LRP1B: variants seen among roughly 807,000 people sequenced by gnomAD.
LRP1B encodes the protein LDL receptor related protein 1B.
In LRP1B, 217 loss-of-function variants were observed where a neutral mutation model predicts 556.6. That is an observed-to-expected ratio of 0.39 (90% CI 0.35 to 0.44). The LOEUF (loss-of-function observed/expected upper bound fraction) is 0.44, where lower values mean the gene tolerates loss of function less well. Among genes scored for constraint, LRP1B ranks in the 20% least tolerant of loss-of-function variants. The pLI is 1.00. For missense variants in LRP1B, 5,053 were observed against 5,620.8 expected (o/e 0.90, Z 3.23); for synonymous variants, 2,047 against 1,865.8 (o/e 1.10, Z -2.50).
chr2:140,371,230 T>C lies in LRP1B; in HGVS notation c.10824A>G (p.Ser3608=), dbSNP rs2105166866. The part of the protein sequence containing the change: ...EYICASDGCI[S]ASLKCNGEYD... Reference sequence around the variant, plus strand: ...ATTCTCCATTACATTTCAAAGATGCTGAAATACATCCATCACTGGCACATA... The same window carrying C: ...ATTCTCCATTACATTTCAAAGATGCCGAAATACATCCATCACTGGCACATA... The change falls in exon 70 of 91, where the codon TCA becomes TCG. Residue 3608 remains serine, a synonymous_variant. Transcript: ENST00000389484. The C allele has an allele frequency of 6.3e-7, 1 of 1,597,908 alleles. No homozygotes were observed. The highest frequency in any genetic ancestry group is 8.5e-7 in the Non-Finnish European group (1 of 1,172,170).
chr2:142,001,969 T>C (rs531719944), intron 1 of LRP1B, among the ~76,000 whole-genome samples: 50 of 152,230 alleles, frequency 3.3e-4, no homozygotes, highest in African/African-American at 1.2e-3. Flanking sequence ...ACAAAACACT[T>C]TGAACACTTA....
intron 2 of LRP1B, among the ~76,000 whole-genome samples, chr2:141,629,599 A>G (rs544678754): frequency 2.6e-5 from 4 of 152,280 alleles, no homozygotes; most frequent in African/African-American, 9.6e-5. Flanking sequence ...TTAAATATCC[A>G]TTCTGAGTGA....
chr2:141,833,548 T>C (rs1396117921), intron 1 of LRP1B, among the ~76,000 whole-genome samples: 1 of 151,868 alleles, frequency 6.6e-6, no homozygotes, highest in Non-Finnish European at 1.5e-5. Flanking sequence ...TTAATAAACA[T>C]TTGTAGAGCT....
intron 5 of LRP1B, among the ~76,000 whole-genome samples, chr2:141,234,872 C>T (rs1309927984): frequency 6.6e-6 from 1 of 151,798 alleles, no homozygotes; most frequent in Non-Finnish European, 1.5e-5. Context: ...TCAACCAAAC[C>T]AAACTGAAAA....
At chr2:140,955,888 A>G (rs997670112) in intron 18 of LRP1B, among the ~76,000 whole-genome samples, 2 of 151,618 alleles carry the variant, frequency 1.3e-5, no homozygotes, top group Non-Finnish European at 3.0e-5. Context: ...TTGCCCCCCA[A>G]AATAATATTT....
chr2:140,536,698 A>C lies in LRP1B; in HGVS notation c.7525T>G (p.Ser2509Ala), dbSNP rs1400196864. The stretch of plus-strand genomic sequence containing the variant: ...TCAAACTCCGAATAAGCGTTGCAGG[A>C]GGAATTTTTAGCTGCAAGAAAAAAA... Reference protein sequence around the residue: ...EDNRCVTKNSSCNAYSEFECG... With the variant: ...EDNRCVTKNSACNAYSEFECG... Residue 2509 changes from serine to alanine, a missense_variant, in exon 46 of 91, where the codon TCC becomes GCC. This residue lies in a region of LRP1B where 3,619 missense variants were observed against 3,931.9 expected (regional missense o/e 0.92). Transcript: ENST00000389484. 3.8e-6 allele frequency: 6 copies of C among 1,589,630 alleles called. No individual in the cohort carries two copies. The highest frequency in any genetic ancestry group is 4.3e-6 in the Non-Finnish European group (5 of 1,171,856).
At chr2:140,981,390 G>T (rs950711866) in intron 18 of LRP1B, among the ~76,000 whole-genome samples, 1 of 151,788 alleles carries the variant, frequency 6.6e-6, no homozygotes, top group Admixed American at 6.6e-5. Flanking sequence ...TAAATTATGG[G>T]TAAAGTTTTC....
intron 1 of LRP1B, among the ~76,000 whole-genome samples, chr2:141,994,441 T>C (rs6735141): frequency 0.22 from 32,978 of 152,082 alleles, 4,213 homozygotes; most frequent in East Asian, 0.32. Flanking sequence ...GCTTAGAGAA[T>C]CAGTGAATCA....
Position 141,734,809 on chromosome 2 carries a change from A to G in LRP1B, c.205+75470T>C, listed in dbSNP as rs540670802. Among the ~76,000 whole-genome samples, 66 of 152,274 alleles carry G rather than the reference A, an allele frequency of 4.3e-4. 1 individual carries two copies. The highest frequency in any genetic ancestry group is 1.6e-3 in the African/African-American group (65 of 41,570). On this transcript the variant is annotated intron_variant, in intron 2 of 90. Coordinates refer to ENST00000389484, the MANE Select transcript of LRP1B (RefSeq NM_018557.3). Reference sequence around the variant, plus strand: ...ATGAAAGCATTTTATAATAACAAAGATAGAGACCAGGGAGTCCTTATGAAT... The same window carrying G: ...ATGAAAGCATTTTATAATAACAAAGGTAGAGACCAGGGAGTCCTTATGAAT...
intron 41 of LRP1B, among the ~76,000 whole-genome samples, chr2:140,679,713 T>C (rs993405650): frequency 5.9e-5 from 9 of 152,040 alleles, no homozygotes; most frequent in African/African-American, 2.2e-4. Context: ...AAGTTAAACA[T>C]TGAAGAACTG....
At chr2:141,085,734 T>C (rs1159610966) in intron 7 of LRP1B, among the ~76,000 whole-genome samples, 4 of 152,218 alleles carry the variant, frequency 2.6e-5, no homozygotes, top group South Asian at 2.1e-4. Flanking sequence ...CCAATAATCT[T>C]AATATGGATA....
At chr2:141,237,353 G>GTT (rs11327977) in intron 5 of LRP1B, among the ~76,000 whole-genome samples, 10 of 93,644 alleles carry the variant, frequency 1.1e-4, no homozygotes, top group South Asian at 3.7e-4. Context: ...GTGTTCTAGT[G>GTT]TTTTTTTTTT....
At chr2:141,887,558 A>G (rs2104906500) in intron 1 of LRP1B, among the ~76,000 whole-genome samples, 2 of 152,300 alleles carry the variant, frequency 1.3e-5, no homozygotes. Context: ...ACACACATGT[A>G]TGAAACAATT....
intron 21 of LRP1B, among the ~76,000 whole-genome samples, chr2:140,917,367 C>A (rs986672937): frequency 1.3e-5 from 2 of 152,102 alleles, no homozygotes; most frequent in Non-Finnish European, 2.9e-5. Flanking sequence ...AATGAATTGA[C>A]AACTTATGTC....
intron 2 of LRP1B, among the ~76,000 whole-genome samples, chr2:141,639,158 C>T (rs1689215629): frequency 7.2e-6 from 1 of 139,812 alleles, no homozygotes; most frequent in South Asian, 2.4e-4. Flanking sequence ...CCAAATAGTT[C>T]ACCAAATGGA....
chr2:141,858,817 C>T (rs1377323236), intron 1 of LRP1B, among the ~76,000 whole-genome samples: 2 of 151,982 alleles, frequency 1.3e-5, no homozygotes, highest in African/African-American at 2.4e-5. Flanking sequence ...ATCTGATGCT[C>T]TAAGAGGTTA....
chr2:141,018,333 T>C (rs1697966447), intron 12 of LRP1B, among the ~76,000 whole-genome samples: 4 of 152,116 alleles, frequency 2.6e-5, no homozygotes. Flanking sequence ...TAATATGTAT[T>C]GCACTTATTC....
intron 2 of LRP1B, among the ~76,000 whole-genome samples, chr2:141,505,901 A>T (rs1683912526): frequency 1.3e-5 from 2 of 152,050 alleles, no homozygotes; most frequent in Non-Finnish European, 2.9e-5. Context: ...ATACTGATAC[A>T]ATTTATTGAC....
intron 1 of LRP1B, among the ~76,000 whole-genome samples, chr2:142,093,345 G>A (rs964330201): frequency 6.6e-6 from 1 of 152,070 alleles, no homozygotes; most frequent in Non-Finnish European, 1.5e-5. Flanking sequence ...CAAAATGTGT[G>A]AAATAATGTT....
Sources: allele counts gnomAD v4.1 joint callset (sites outside exome capture counted in the v4.1 genomes callset), GRCh38; gene constraint gnomAD v4.1.1; regional missense constraint gnomAD v4.1.1; transcripts MANE v1.5; gene names NCBI Gene and HGNC (gene_info 2026-07-23, HGNC 2026-07-21).